CENPP: variants seen among roughly 807,000 people sequenced by gnomAD.
The protein encoded by CENPP is centromere protein P.
CENPP carries 24 observed loss-of-function variants against 35.6 expected under a neutral mutation model. The ratio of observed to expected loss-of-function variants is 0.67; its 90% CI spans 0.49 to 0.95. CENPP has a LOEUF of 0.95. CENPP is among the 40% of genes least tolerant of loss of function. The probability of loss-of-function intolerance (pLI) is 0.00; values close to 1 mark genes in which losing one functional copy is unlikely to be tolerated. For missense variants in CENPP, 332 were observed against 345.3 expected (o/e 0.96, Z 0.31); for synonymous variants, 120 against 125.5 (o/e 0.96, Z 0.29).
intron 5 of CENPP, among the ~76,000 whole-genome samples, chr9:92,449,057 A>C (rs1203322009): frequency 6.6e-6 from 1 of 152,166 alleles, no homozygotes; most frequent in Non-Finnish European, 1.5e-5. Context: ...AAAATAGTGT[A>C]TCATCATAGT....
At chr9:92,442,421 AAAC>A (rs1844428801) in intron 5 of CENPP, among the ~76,000 whole-genome samples, 2 of 128,062 alleles carry the variant, frequency 1.6e-5, no homozygotes, top group Non-Finnish European at 3.8e-5. Context: ...AAAAAAGAAA[AAAC>A]AAAAAAAAAC....
chr9:92,550,546 G>A (rs76907808), intron 5 of CENPP, among the ~76,000 whole-genome samples: 1 of 148,026 alleles, frequency 6.8e-6, no homozygotes, highest in Non-Finnish European at 1.5e-5. Context: ...TCTTAGACCT[G>A]TTTTTTTTTT....
At chr9:92,477,786 G>A (rs750151455) in intron 5 of CENPP, among the ~76,000 whole-genome samples, 1 of 151,992 alleles carries the variant, frequency 6.6e-6, no homozygotes, top group Non-Finnish European at 1.5e-5. Flanking sequence ...ATACGAGATC[G>A]TAAAGTTAAC....
At chr9:92,610,236 A>G (rs1411455686) in intron 5 of CENPP, among the ~76,000 whole-genome samples, 1 of 151,914 alleles carries the variant, frequency 6.6e-6, no homozygotes, top group Non-Finnish European at 1.5e-5. Context: ...TTGTATTTTT[A>G]CTAGAGACAG....
At chr9:92,549,654 A>C (rs567058734) in intron 5 of CENPP, among the ~76,000 whole-genome samples, 5,005 of 143,306 alleles carry the variant, frequency 0.035, 140 homozygotes, top group Non-Finnish European at 0.042. Context: ...CTCAAAAAAA[A>C]AAAACAAAAC....
chr9:92,383,958 A>G (rs937116047), intron 5 of CENPP: 24 of 152,168 alleles, frequency 1.6e-4, no homozygotes, highest in African/African-American at 5.8e-4. Context: ...TCCAAATAAA[A>G]CAGAACCCTT....
chr9:92,509,944 CTT>C (rs1420945083), intron 5 of CENPP: 1 of 1,609,352 alleles, frequency 6.2e-7, no homozygotes, highest in East Asian at 2.2e-5. Flanking sequence ...TTCTCATTGA[CTT>C]TAAGTTCTTC....
intron 3 of CENPP, among the ~76,000 whole-genome samples, chr9:92,340,703 A>G (rs1182843153): frequency 2.0e-5 from 3 of 152,212 alleles, no homozygotes; most frequent in African/African-American, 2.4e-5. Flanking sequence ...CACTTCCCCA[A>G]TCAATACCCT....
intron 5 of CENPP, among the ~76,000 whole-genome samples, chr9:92,563,242 C>G (rs1322035268): frequency 1.3e-5 from 2 of 152,182 alleles, no homozygotes; most frequent in Non-Finnish European, 2.9e-5. Flanking sequence ...AAATATCATG[C>G]CTTCCAAGAA....
intron 5 of CENPP, among the ~76,000 whole-genome samples, chr9:92,525,624 C>T (rs1467177543): frequency 2.0e-5 from 3 of 152,126 alleles, no homozygotes; most frequent in African/African-American, 7.2e-5. Flanking sequence ...GGCGCGGTGG[C>T]TCAAGCCTAT....
At chr9:92,544,402 G>C (rs550727975) in intron 5 of CENPP, among the ~76,000 whole-genome samples, 2 of 152,312 alleles carry the variant, frequency 1.3e-5, no homozygotes, top group Admixed American at 1.3e-4. Context: ...CTTGAATCTT[G>C]GAGGCAGAGG....
intron 5 of CENPP, among the ~76,000 whole-genome samples, chr9:92,545,515 C>G (rs1395633756): frequency 2.1e-5 from 3 of 144,574 alleles, no homozygotes; most frequent in African/African-American, 8.1e-5. Context: ...TGCAGCCCGC[C>G]AAGACTGAGC....
chr9:92,551,193 G>A (rs1209461831), intron 5 of CENPP, among the ~76,000 whole-genome samples: 8 of 152,106 alleles, frequency 5.3e-5, no homozygotes, highest in African/African-American at 1.9e-4. Flanking sequence ...TGTGACGCTG[G>A]GATTGGAAGC....
At chr9:92,341,022 A>G (rs1393999645) in intron 3 of CENPP, among the ~76,000 whole-genome samples, 2 of 152,158 alleles carry the variant, frequency 1.3e-5, no homozygotes, top group East Asian at 3.9e-4. Flanking sequence ...ACATCCTGAG[A>G]AAGAGAATAC....
At chr9:92,466,718 T>A in intron 5 of CENPP, 1 of 680,882 alleles carries the variant, frequency 1.5e-6, no homozygotes, top group Non-Finnish European at 2.4e-6. Flanking sequence ...CAGCCCAATC[T>A]AAGCTTTTAA....
chr9:92,429,783 G>A (rs925591408), intron 5 of CENPP, among the ~76,000 whole-genome samples: 4 of 137,096 alleles, frequency 2.9e-5, no homozygotes, highest in South Asian at 2.2e-4. Context: ...ACGAAACTCC[G>A]TCTCAAAATC....
chr9:92,593,888 C>T lies in CENPP; in HGVS notation c.565-17426C>T, dbSNP rs1206154583. Among the ~76,000 whole-genome samples the T allele has an allele frequency of 6.6e-6, 1 of 152,290 alleles. No individual in the cohort carries two copies. The highest frequency in any genetic ancestry group is 1.5e-5 in the Non-Finnish European group (1 of 68,020). On this transcript the variant is annotated intron_variant, in intron 5 of 7. Transcript: ENST00000375587. This position sits in a 1 kb window ranked among gnomAD's most constrained non-coding sequence, Gnocchi z 4.1. ...GGTAGAGAAGCCAAGAATATAGGTA[C>T]ACTTTGCTACCTTTCTCACGAATCT...
chr9:92,592,947 G>C (rs1248922205), intron 5 of CENPP, among the ~76,000 whole-genome samples: 1 of 152,190 alleles, frequency 6.6e-6, no homozygotes, highest in Non-Finnish European at 1.5e-5. Flanking sequence ...AGAGAGGATG[G>C]GACAGAAACC....
chr9:92,455,177 T>C (rs1421128416), intron 5 of CENPP, among the ~76,000 whole-genome samples: 1 of 152,126 alleles, frequency 6.6e-6, no homozygotes. Flanking sequence ...CTTGGAGGAT[T>C]ACTTGAAGCC....
Sources: gnomAD v4.1 joint callset for allele counts (sites outside exome capture counted in the v4.1 genomes callset) on GRCh38, gnomAD v4.1.1 for gene constraint, Gnocchi (gnomAD v3.1) non-coding constraint, MANE v1.5 for transcripts, NCBI Gene and HGNC (gene_info 2026-07-23, HGNC 2026-07-21) for gene names.